The following SBF2 variants were observed in gnomAD, a reference collection of about 807,000 sequenced individuals.
SBF2 encodes myotubularin-related protein 13.
Under a neutral mutation model 225.2 loss-of-function variants are expected in SBF2, and 112 were observed. The ratio of observed to expected loss-of-function variants is 0.50; its 90% confidence interval spans 0.43 to 0.58. SBF2 has a LOEUF of 0.58. SBF2 is among the 20% of genes least tolerant of loss of function. The pLI, the probability that SBF2 is intolerant of heterozygous loss-of-function variation, is 0.00. For synonymous variants in SBF2, 763 were observed against 773.3 expected, an observed-to-expected ratio of 0.99 and a Z score of 0.22; for missense variants, 1,996 against 2,206.2, an observed-to-expected ratio of 0.90 and a Z score of 1.91.
rs190496840 is a variant in SBF2, at chr11:9,904,631, T to C, written c.1861-8620A>G. ...TAATAGATATGTATAGAACACTGTA[T>C]ACAAAAACTTGCTTGCTCTAATGGA... On this transcript the variant is annotated intron_variant, in intron 16 of 39. Transcript: ENST00000256190. Among the ~76,000 whole-genome samples the C allele has an allele frequency of 7.1e-4, 108 of 152,310 alleles. 1 individual carries two copies. In the East Asian group the frequency reaches 0.019, roughly 27 times the overall value.
chr11:10,162,007 T>G (rs775936931), intron 2 of SBF2, among the ~76,000 whole-genome samples: 1 of 151,938 alleles, frequency 6.6e-6, no homozygotes. Flanking sequence ...ATAAAAATAG[T>G]AGGAAGACTC....
intron 1 of SBF2, among the ~76,000 whole-genome samples, chr11:10,223,248 C>G (rs1958404572): frequency 6.6e-6 from 1 of 151,170 alleles, no homozygotes; most frequent in South Asian, 2.1e-4. Flanking sequence ...TCTAAATATA[C>G]AGATGACCCT....
At chr11:9,900,892 G>A (rs760999638) in intron 16 of SBF2, among the ~76,000 whole-genome samples, 70 of 151,988 alleles carry the variant, frequency 4.6e-4, no homozygotes, top group Non-Finnish European at 8.8e-4. Context: ...ACGCATCACC[G>A]CACCCAGCTA....
At chr11:10,183,234 G>A (rs1013365718) in intron 2 of SBF2, among the ~76,000 whole-genome samples, 5 of 152,122 alleles carry the variant, frequency 3.3e-5, no homozygotes, top group South Asian at 2.1e-4. Flanking sequence ...AGGTGAAAGC[G>A]CTGCTTAAAG....
intron 32 of SBF2, among the ~76,000 whole-genome samples, chr11:9,797,739 G>C (rs1853214588): frequency 6.6e-6 from 1 of 152,232 alleles, no homozygotes; most frequent in Non-Finnish European, 1.5e-5. Flanking sequence ...GGGGGACCAA[G>C]GTGGAAGGAT....
At chr11:10,151,997 T>C (rs528865692) in intron 2 of SBF2, among the ~76,000 whole-genome samples, 1 of 152,342 alleles carries the variant, frequency 6.6e-6, no homozygotes, top group Middle Eastern at 3.4e-3. Flanking sequence ...TTCTGTAGCA[T>C]TGTCAAAGTT....
chr11:9,794,444 T>C (rs913108155), intron 33 of SBF2, among the ~76,000 whole-genome samples: 1 of 150,936 alleles, frequency 6.6e-6, no homozygotes, highest in African/African-American at 2.4e-5. Flanking sequence ...GGAGGCAGAC[T>C]GCTTGAGGCC....
rs542819330 is a variant in SBF2 at position 10,193,632 on chromosome 11, A to G, written c.141+270T>C. Among the ~76,000 whole-genome samples, 428 of 152,156 alleles carry G rather than the reference A, an allele frequency of 2.8e-3. 1 individual carries two copies. The highest frequency in any genetic ancestry group is 4.6e-3 in the Non-Finnish European group (314 of 67,994). ...CTCCCAAAGTGCTGGGATTACAGGC[A>G]TGAGCCACCGCGCCTGGCCCTCAAT... On this transcript the variant is annotated intron_variant, in intron 2 of 39. Transcript: ENST00000256190.
At chr11:9,932,919 T>C (rs1590510224) in intron 16 of SBF2, among the ~76,000 whole-genome samples, 1 of 89,538 alleles carries the variant, frequency 1.1e-5, no homozygotes, top group Non-Finnish European at 2.0e-5. Flanking sequence ...AGGCTCAAAA[T>C]AAAGGGATGG....
intron 2 of SBF2, among the ~76,000 whole-genome samples, chr11:10,179,800 G>A (rs909897980): frequency 1.3e-5 from 2 of 151,838 alleles, no homozygotes; most frequent in African/African-American, 4.8e-5. Context: ...CTTCCTTTTA[G>A]TGAAGGTAAT....
At chr11:9,954,886 C>T (rs1866061291) in intron 16 of SBF2, among the ~76,000 whole-genome samples, 1 of 151,966 alleles carries the variant, frequency 6.6e-6, no homozygotes, top group Non-Finnish European at 1.5e-5. Context: ...GCAAAAAGCT[C>T]CAAAATGGTT....
intron 16 of SBF2, among the ~76,000 whole-genome samples, chr11:9,939,375 C>T (rs188865731): frequency 6.6e-5 from 10 of 152,242 alleles, no homozygotes; most frequent in South Asian, 4.1e-4. Context: ...GTATTACAGG[C>T]GTGAGCCACT....
chr11:10,240,118 A>G (rs1253354678), intron 1 of SBF2, among the ~76,000 whole-genome samples: 1 of 152,170 alleles, frequency 6.6e-6, no homozygotes, highest in Non-Finnish European at 1.5e-5. Context: ...TACATGAGAC[A>G]AAAGTCCCCA....
intron 17 of SBF2, among the ~76,000 whole-genome samples, chr11:9,861,601 T>C (rs1296707963): frequency 6.7e-6 from 1 of 150,150 alleles, no homozygotes; most frequent in Non-Finnish European, 1.5e-5. Context: ...GAGGTGGAGG[T>C]TGCAGTGAGC....
intron 1 of SBF2, among the ~76,000 whole-genome samples, chr11:10,264,985 T>C (rs184233795): frequency 3.5e-4 from 54 of 152,346 alleles, no homozygotes; most frequent in African/African-American, 1.2e-3. Context: ...CTATTATTGA[T>C]GGACATCTGG....
intron 16 of SBF2, among the ~76,000 whole-genome samples, chr11:9,919,963 C>T (rs1413430391): frequency 2.0e-5 from 3 of 151,888 alleles, no homozygotes; most frequent in East Asian, 3.9e-4. Context: ...AACTCCTGAC[C>T]TCAGGTGATC....
At chr11:10,094,216 G>A (rs1157719977) in intron 2 of SBF2, among the ~76,000 whole-genome samples, 4 of 152,024 alleles carry the variant, frequency 2.6e-5, no homozygotes, top group Admixed American at 6.6e-5. Context: ...CCAGCTACTC[G>A]GCAGGCTGAA....
At chr11:9,782,420 T>A (rs1182362059) in intron 38 of SBF2, among the ~76,000 whole-genome samples, 1 of 152,184 alleles carries the variant, frequency 6.6e-6, no homozygotes, top group African/African-American at 2.4e-5. Flanking sequence ...TAAATGAGAT[T>A]TCACTTTTGG....
intron 1 of SBF2, among the ~76,000 whole-genome samples, chr11:10,282,630 T>C (rs771616473): frequency 1.3e-5 from 2 of 152,180 alleles, no homozygotes; most frequent in Non-Finnish European, 2.9e-5. Context: ...CATTCATTCA[T>C]TACTAAATTT....
Sources: gnomAD v4.1 joint callset for allele counts (sites outside exome capture counted in the v4.1 genomes callset) on GRCh38, gnomAD v4.1.1 for gene constraint, MANE v1.5 for transcripts, NCBI Gene and HGNC (gene_info 2026-07-23, HGNC 2026-07-21) for gene names.